ST8SIA6: variants seen among roughly 807,000 people sequenced by gnomAD.
ST8SIA6 encodes ST8 alpha-N-acetyl-neuraminide alpha-2,8-sialyltransferase 6.
A neutral mutation model predicts 33.6 loss-of-function variants in ST8SIA6; 39 were observed. The observed-to-expected ratio is 1.16, with a 90% CI of 0.90 to 1.52. ST8SIA6 has a LOEUF of 1.52. Among genes scored for constraint, ST8SIA6 ranks in the 40% most tolerant of loss-of-function variants. The pLI is 0.00. For missense variants in ST8SIA6, 441 were observed against 443.8 expected (o/e 0.99, Z 0.06); for synonymous variants, 172 against 167.2 (o/e 1.03, Z -0.22).
chr10:17,387,968 G>T (rs1490538534), intron 3 of ST8SIA6, among the ~76,000 whole-genome samples: 1 of 152,148 alleles, frequency 6.6e-6, no homozygotes. Context: ...TTTCTGTGTC[G>T]ACCTGACTGG....
At chr10:17,322,345 G>C (rs1424934160) in intron 7 of ST8SIA6, among the ~76,000 whole-genome samples, 2 of 152,032 alleles carry the variant, frequency 1.3e-5, no homozygotes, top group Admixed American at 6.6e-5. Context: ...TATACGTATA[G>C]GTTATTTTTA....
chr10:17,402,940 A>G (rs971898036), intron 2 of ST8SIA6, among the ~76,000 whole-genome samples: 1 of 152,178 alleles, frequency 6.6e-6, no homozygotes, highest in South Asian at 2.1e-4. Context: ...AAAAATAACA[A>G]CAACAAAAGT....
At position 17,339,771 on chromosome 10, in the gene ST8SIA6, G is replaced by A. The variant is rs539473901; in HGVS notation, c.378-8219C>T. Among the ~76,000 whole-genome samples the A allele has an allele frequency of 8.5e-5, 13 of 152,190 alleles. No individual in the cohort carries two copies. The South Asian group carries it at 2.7e-3, about 32-fold the overall frequency. ...CCTACAATAGCCCTACAAAATAGAT[G>A]CAATTAATATTCTCATTTTATAGAT... On this transcript the variant is annotated intron_variant, in intron 4 of 7. Transcript: ENST00000377602.
chr10:17,350,027 A>G (rs1848979116), intron 4 of ST8SIA6, among the ~76,000 whole-genome samples: 2 of 152,182 alleles, frequency 1.3e-5, no homozygotes, highest in South Asian at 4.1e-4. Flanking sequence ...TACATCAGCA[A>G]TGACTTAATC....
chr10:17,399,863 C>T (rs968671364), intron 2 of ST8SIA6, among the ~76,000 whole-genome samples: 5 of 149,362 alleles, frequency 3.3e-5, no homozygotes, highest in South Asian at 2.1e-4. Flanking sequence ...GACTGCAGTA[C>T]GCTTTGATTG....
At chr10:17,322,875 C>A (rs1235567762) in intron 7 of ST8SIA6, among the ~76,000 whole-genome samples, 190 bp downstream of exon 7, 1 of 152,126 alleles carries the variant, frequency 6.6e-6, no homozygotes, top group African/African-American at 2.4e-5. Context: ...ACAACTGAAT[C>A]ATAACTCTTA....
At chr10:17,388,607 C>T (rs1850469547) in intron 3 of ST8SIA6, among the ~76,000 whole-genome samples, 1 of 152,148 alleles carries the variant, frequency 6.6e-6, no homozygotes, top group African/African-American at 2.4e-5. Flanking sequence ...ATAGGATTGG[C>T]ATGTGGAAAT....
chr10:17,430,820 C>T (rs761939517), intron 2 of ST8SIA6, among the ~76,000 whole-genome samples: 1 of 152,152 alleles, frequency 6.6e-6, no homozygotes, highest in Non-Finnish European at 1.5e-5. Flanking sequence ...AATATTTTCT[C>T]CCATTCTGTG....
chr10:17,432,022 G>A (rs1852117849), intron 2 of ST8SIA6, among the ~76,000 whole-genome samples: 2 of 152,146 alleles, frequency 1.3e-5, no homozygotes, highest in Admixed American at 6.5e-5. Flanking sequence ...GCCGAAAACC[G>A]GAAGCAAGAA....
chr10:17,373,019 G>T (rs1417060014), intron 3 of ST8SIA6, among the ~76,000 whole-genome samples: 1 of 152,152 alleles, frequency 6.6e-6, no homozygotes, highest in Non-Finnish European at 1.5e-5. Flanking sequence ...CAGATCGAGG[G>T]TACAGGGCAT....
intron 4 of ST8SIA6, among the ~76,000 whole-genome samples, chr10:17,347,137 T>C (rs1187118880): frequency 1.3e-5 from 2 of 152,212 alleles, no homozygotes; most frequent in Non-Finnish European, 2.9e-5. Context: ...TAACCACATC[T>C]ACAAAATACA....
intron 2 of ST8SIA6, among the ~76,000 whole-genome samples, chr10:17,447,240 C>A (rs1231042537): frequency 6.6e-6 from 1 of 150,756 alleles, no homozygotes; most frequent in Non-Finnish European, 1.5e-5. Context: ...AATTAGTAAA[C>A]CCTATCTTTA....
intron 2 of ST8SIA6, among the ~76,000 whole-genome samples, chr10:17,413,050 A>G (rs375878244): frequency 1.3e-5 from 2 of 152,220 alleles, no homozygotes; most frequent in Non-Finnish European, 2.9e-5. Flanking sequence ...GCACATTAGT[A>G]TAAGAGAACT....
Position 17,320,712 on chromosome 10 carries a change from G to T in ST8SIA6, c.*166C>A, listed in dbSNP as rs1847913938. 1.3e-5 allele frequency: 8 copies of T among 629,782 alleles called. No homozygotes were observed. The highest frequency in any genetic ancestry group is 2.2e-5 in the Non-Finnish European group (8 of 360,652). 39.0% of individuals were successfully genotyped at this position (629,782 alleles called of 1,614,324 possible). On this transcript the variant is annotated 3_prime_UTR_variant, in exon 8 of 8. Coordinates refer to ENST00000377602, the MANE Select transcript of ST8SIA6 (RefSeq NM_001004470.3). ...AAGGAGAAAAAATGAAGATGAGAAG[G>T]ATTGAATGACTTGCCATCATTGCAA... is the stretch of plus-strand genomic sequence containing the variant.
intron 2 of ST8SIA6, among the ~76,000 whole-genome samples, chr10:17,431,805 G>A (rs955181366): frequency 6.6e-6 from 1 of 151,776 alleles, no homozygotes; most frequent in Non-Finnish European, 1.5e-5. Context: ...TATTATTCCA[G>A]GCACAACAGT....
At chr10:17,357,953 T>G (rs1436074526) in intron 4 of ST8SIA6, among the ~76,000 whole-genome samples, 1 of 152,208 alleles carries the variant, frequency 6.6e-6, no homozygotes, top group Non-Finnish European at 1.5e-5. Flanking sequence ...CCTGTGATCA[T>G]TTAGGTTATG....
At chr10:17,399,695 G>T (rs10904950) in intron 2 of ST8SIA6, among the ~76,000 whole-genome samples, 50,185 of 151,470 alleles carry the variant, frequency 0.33, 9,402 homozygotes, top group East Asian at 0.68. Context: ...GGTAGGGGAG[G>T]GTCTTGAGCC....
chr10:17,445,377 T>G (rs551107976), intron 2 of ST8SIA6, among the ~76,000 whole-genome samples: 61 of 152,286 alleles, frequency 4.0e-4, no homozygotes, highest in Non-Finnish European at 7.5e-4. Context: ...CTTCAGAAAT[T>G]TATCTGGCTT....
chr10:17,394,756 T>C (rs755663633), intron 2 of ST8SIA6, among the ~76,000 whole-genome samples: 1 of 152,168 alleles, frequency 6.6e-6, no homozygotes, highest in Non-Finnish European at 1.5e-5. Flanking sequence ...ATCTAAGAGG[T>C]TGGGGCACAC....
Sources: allele counts gnomAD v4.1 joint callset (sites outside exome capture counted in the v4.1 genomes callset), GRCh38; gene constraint gnomAD v4.1.1; transcripts MANE v1.5; gene names NCBI Gene and HGNC (gene_info 2026-07-23, HGNC 2026-07-21).